Variants in BRF1 observed in about 807,000 individuals in gnomAD.
BRF1 encodes the protein transcription factor IIIB 90 kDa subunit.
In BRF1, 59 loss-of-function variants were observed where a neutral mutation model predicts 81.7. That is an observed-to-expected ratio of 0.72 (90% confidence interval 0.59 to 0.90). The LOEUF (loss-of-function observed/expected upper bound fraction) is 0.90. Ranked by LOEUF, BRF1 falls within the 40% of genes least tolerant of loss-of-function variation. BRF1 has a pLI of 0.00. For missense variants in BRF1, 1,050 were observed against 936.3 expected, an observed-to-expected ratio of 1.12 and a Z score of -1.58; for synonymous variants, 491 against 395.6, an observed-to-expected ratio of 1.24 and a Z score of -2.86.
chr14:105,241,522 C>A, intron 5 of BRF1, 108 bp from the exon 6 acceptor site: 9 of 1,397,168 alleles, frequency 6.4e-6, no homozygotes, highest in Non-Finnish European at 7.8e-6. Context: ...TTTCCAGGCC[C>A]CCAGGCCCCC....
At chr14:105,265,080 T>TTTTGG (rs1566849059) in intron 3 of BRF1, among the ~76,000 whole-genome samples, 1 of 150,050 alleles carries the variant, frequency 6.7e-6, no homozygotes, top group Non-Finnish European at 1.5e-5. Flanking sequence ...TTTGTTTTTT[T>TTTTGG]AGAGACAGGG....
At position 105,228,916 on chromosome 14, in the gene BRF1, G is replaced by A. The variant is rs201615494; in HGVS notation, c.695-3C>T. 38 of 1,613,378 alleles carry A rather than the reference G, an allele frequency of 2.4e-5. No homozygotes were observed. The highest frequency in any genetic ancestry group is 1.7e-5 in the Admixed American group (1 of 60,018). ...CATTCTGGCTGCAACCAGGAGCGCT[G>A]GAAGGCAACGAGACGGGCCTCGTCA... On this transcript the variant is annotated splice_polypyrimidine_tract_variant and splice_region_variant and intron_variant, in intron 6 of 17. Coordinates refer to ENST00000547530, the MANE Select transcript of BRF1 (RefSeq NM_001519.4).
At chr14:105,220,178 T>C (rs1375945393) in intron 11 of BRF1, 48 bp from the exon 12 acceptor site, 6 of 1,608,670 alleles carry the variant, frequency 3.7e-6, no homozygotes, top group African/African-American at 2.7e-5. Context: ...GCACTGATTA[T>C]AGGAGCGTGG....
upstream of BRF1, among the ~76,000 whole-genome samples, chr14:105,301,999 C>G (rs865998896): frequency 6.6e-6 from 1 of 151,978 alleles, no homozygotes; most frequent in African/African-American, 2.4e-5. Context: ...ATTAGCCAGG[C>G]TTGGTGGTGG....
intron 6 of BRF1, 60 bp from the exon 7 acceptor site, chr14:105,228,973 G>C: frequency 6.6e-7 from 1 of 1,505,462 alleles, no homozygotes. Flanking sequence ...AACATCTGTG[G>C]CGGCCCAGGA....
Position 105,209,690 on chromosome 14 carries a change from C to T in BRF1, c.*861G>A. 1 of 645,476 alleles carries T rather than the reference C, an allele frequency of 1.5e-6. No individual in the cohort carries two copies. The highest frequency in any genetic ancestry group is 2.8e-6 in the Non-Finnish European group (1 of 355,862). The allele number at this position is 645,476 out of a possible 1,614,324, so 40.0% of individuals were successfully genotyped here. ...CCAGCTCTGACAGGGAGCGCCACTG[C>T]CCTCTGGCTCTGTCCACGGGGAACT... is the stretch of plus-strand genomic sequence containing the variant. On this transcript the variant is annotated 3_prime_UTR_variant, in exon 18 of 18. Transcript: ENST00000547530.
intron 5 of BRF1, 56 bp from the exon 6 acceptor site, chr14:105,241,470 G>A (rs2054635922): frequency 6.3e-7 from 1 of 1,599,994 alleles, no homozygotes; most frequent in East Asian, 2.2e-5. Flanking sequence ...CACGTGCACA[G>A]GCGGCCCACG....
intron 5 of BRF1, among the ~76,000 whole-genome samples, chr14:105,243,436 C>A (rs2054856485): frequency 6.8e-6 from 1 of 148,036 alleles, no homozygotes; most frequent in Non-Finnish European, 1.5e-5. Context: ...GGCGACAGAG[C>A]AGCAAGACTC....
At chr14:105,273,805 G>A (rs1296150667) in intron 2 of BRF1, among the ~76,000 whole-genome samples, 1 of 152,232 alleles carries the variant, frequency 6.6e-6, no homozygotes, top group African/African-American at 2.4e-5. Flanking sequence ...CTGGAAAGCC[G>A]GGTATTGTCC....
intron 12 of BRF1, 136 bp from the exon 13 acceptor site, chr14:105,219,368 C>A (rs1279940649): frequency 1.0e-5 from 15 of 1,493,024 alleles, no homozygotes; most frequent in African/African-American, 1.4e-5. Flanking sequence ...TAGTGCGGAG[C>A]CTGGGCTGAG....
chr14:105,247,065 C>T, intron 5 of BRF1: 14 of 985,456 alleles, frequency 1.4e-5, no homozygotes, highest in Non-Finnish European at 1.6e-5. Flanking sequence ...TGCTTATGCC[C>T]GTTACCTTTT....
intron 3 of BRF1, among the ~76,000 whole-genome samples, chr14:105,270,965 G>A (rs1378022489): frequency 6.6e-6 from 1 of 152,038 alleles, no homozygotes; most frequent in African/African-American, 2.4e-5. Context: ...CCCTCGAGGG[G>A]GACCAACCAG....
At chr14:105,226,324 G>A in intron 8 of BRF1, 34 bp from the exon 9 acceptor site, 4 of 1,613,828 alleles carry the variant, frequency 2.5e-6, no homozygotes, top group Non-Finnish European at 2.5e-6. Flanking sequence ...CTTCGTGAAG[G>A]GAGGCCCTGG....
Position 105,210,709 on chromosome 14 carries a change from CCCCCGCG to C in BRF1, c.1997-128_1997-122del. ...CTCAGGCTCCAGCCCCAGCCCCAGC[CCCCCGCG>C]CCCCGCCAGGAGCCATCTTGGGCTC... On this transcript the variant is annotated intron_variant, in intron 17 of 17. Coordinates refer to ENST00000547530, the MANE Select transcript of BRF1 (RefSeq NM_001519.4). This position sits in a 1 kb window ranked among gnomAD's most constrained non-coding sequence, Gnocchi z 4.7. 8.7e-7 allele frequency: 1 copy of C among 1,144,744 alleles called. No individual in the cohort carries two copies. The highest frequency in any genetic ancestry group is 2.6e-5 in the East Asian group (1 of 38,886). The allele number at this position is 1,144,744 out of a possible 1,614,324, so 70.9% of individuals were successfully genotyped here. A position where few individuals can be genotyped will look rare whatever the true frequency, so the allele number is the denominator to read the frequency against.
intron 1 of BRF1, among the ~76,000 whole-genome samples, chr14:105,293,352 G>A (rs1416124841): frequency 6.6e-6 from 1 of 152,158 alleles, no homozygotes; most frequent in Non-Finnish European, 1.5e-5. Context: ...CAGCACTCAC[G>A]GACACCCCAG....
At chr14:105,266,321 G>A (rs1333390776) in intron 3 of BRF1, among the ~76,000 whole-genome samples, 2 of 152,188 alleles carry the variant, frequency 1.3e-5, no homozygotes, top group South Asian at 4.1e-4. Flanking sequence ...GCTGAGGCGA[G>A]AGAGTCGCCT....
chr14:105,306,362 G>A (rs587671379), intron 1 of BRF1, among the ~76,000 whole-genome samples: 5 of 152,236 alleles, frequency 3.3e-5, no homozygotes, highest in African/African-American at 9.6e-5. Flanking sequence ...GGAGTGCAGC[G>A]GCGCCATCTC....
At chr14:105,268,855 G>A (rs1490356435) in intron 3 of BRF1, among the ~76,000 whole-genome samples, 3 of 152,320 alleles carry the variant, frequency 2.0e-5, no homozygotes, top group African/African-American at 7.2e-5. Flanking sequence ...GAGCTGTGCA[G>A]GCAGCAGGGC....
intron 11 of BRF1, among the ~76,000 whole-genome samples, chr14:105,220,457 G>A (rs587704346): frequency 1.4e-3 from 214 of 152,342 alleles, no homozygotes; most frequent in African/African-American, 4.7e-3. Context: ...GGGAGGGCAC[G>A]GAAGCTGGGC....
Sources: gnomAD v4.1 joint callset for allele counts (sites outside exome capture counted in the v4.1 genomes callset) on GRCh38, gnomAD v4.1.1 for gene constraint, Gnocchi (gnomAD v3.1) non-coding constraint, MANE v1.5 for transcripts, NCBI Gene and HGNC (gene_info 2026-07-23, HGNC 2026-07-21) for gene names.